The following ARB2A variants were observed in gnomAD, a reference collection of about 807,000 sequenced individuals.
The protein encoded by ARB2A is ARB2 cotranscriptional regulator A.
the ARB2A span, among the ~76,000 whole-genome samples, chr5:93,728,042 G>T: frequency 6.6e-6 from 1 of 152,068 alleles, no homozygotes; most frequent in Admixed American, 6.6e-5. Flanking sequence ...TTCACAGATG[G>T]AAGCAACAGC....
chr5:93,818,631 T>C, the ARB2A span, among the ~76,000 whole-genome samples: 1 of 152,314 alleles, frequency 6.6e-6, no homozygotes, highest in Non-Finnish European at 1.5e-5. Context: ...GATGATAATT[T>C]AGTTATATTA....
chr5:93,790,750 T>C, the ARB2A span, among the ~76,000 whole-genome samples: 2 of 152,126 alleles, frequency 1.3e-5, no homozygotes, highest in African/African-American at 4.8e-5. Flanking sequence ...GTAGTGTAAC[T>C]GACTGTATTT....
At chr5:93,732,167 T>C in the ARB2A span, among the ~76,000 whole-genome samples, 1 of 152,200 alleles carries the variant, frequency 6.6e-6, no homozygotes, top group South Asian at 2.1e-4. Flanking sequence ...ATGATCATGC[T>C]AATGACTTGT....
chr5:93,769,496 T>C, the ARB2A span, among the ~76,000 whole-genome samples: 7 of 152,190 alleles, frequency 4.6e-5, no homozygotes, highest in African/African-American at 1.7e-4. Flanking sequence ...GAACAATTAA[T>C]CTTTTTCAAC....
the ARB2A span, among the ~76,000 whole-genome samples, chr5:93,634,160 T>C: frequency 3.3e-5 from 5 of 152,068 alleles, no homozygotes; most frequent in East Asian, 7.8e-4. Context: ...CCCAGGACTT[T>C]GGGAAGCTGA....
chr5:93,778,070 AC>A, the ARB2A span, among the ~76,000 whole-genome samples: 1 of 152,196 alleles, frequency 6.6e-6, no homozygotes, highest in Non-Finnish European at 1.5e-5. Flanking sequence ...GTTCTTAAAT[AC>A]TTTCTCTCTT....
chr5:93,913,747 G>C, the ARB2A span, among the ~76,000 whole-genome samples: 3 of 151,848 alleles, frequency 2.0e-5, no homozygotes, highest in African/African-American at 7.3e-5. Flanking sequence ...TCACTTTTAA[G>C]CCTATGTAAC....
chr5:93,755,245 T>A, the ARB2A span, among the ~76,000 whole-genome samples: 1 of 152,296 alleles, frequency 6.6e-6, no homozygotes, highest in African/African-American at 2.4e-5. Flanking sequence ...ATAATTAAAA[T>A]ATAGACTATA....
chr5:93,996,455 A>T, the ARB2A span, among the ~76,000 whole-genome samples: 1 of 152,204 alleles, frequency 6.6e-6, no homozygotes, highest in Admixed American at 6.5e-5. Flanking sequence ...AGACAACCAG[A>T]GTGTTAAACT....
At chr5:93,791,382 A>C in the ARB2A span, among the ~76,000 whole-genome samples, 1 of 152,252 alleles carries the variant, frequency 6.6e-6, no homozygotes, top group Non-Finnish European at 1.5e-5. Context: ...TAAGGCTTAT[A>C]AAGTTTCCTT....
At chr5:93,992,836 A>C in the ARB2A span, among the ~76,000 whole-genome samples, 1 of 152,244 alleles carries the variant, frequency 6.6e-6, no homozygotes, top group African/African-American at 2.4e-5. Flanking sequence ...TAAGATTAAG[A>C]GGTATAAATC....
chr5:93,942,644 T>A, the ARB2A span, among the ~76,000 whole-genome samples: 3 of 151,654 alleles, frequency 2.0e-5, no homozygotes, highest in African/African-American at 7.2e-5. Context: ...AAGATCACAA[T>A]AATCATATTT....
chr5:93,953,209 G>C, the ARB2A span, among the ~76,000 whole-genome samples: 2 of 152,090 alleles, frequency 1.3e-5, no homozygotes, highest in African/African-American at 4.8e-5. Flanking sequence ...TGATGCTTGC[G>C]GATGTTTGTC....
At chr5:94,082,117 G>A in the ARB2A span, among the ~76,000 whole-genome samples, 36 of 152,158 alleles carry the variant, frequency 2.4e-4, no homozygotes, top group Non-Finnish European at 7.4e-5. Flanking sequence ...ACAGTGCACT[G>A]GTCTAGCTTG....
chr5:93,620,633 C>T, the ARB2A span: 1 of 193,576 alleles, frequency 5.2e-6, no homozygotes. Context: ...CTACGGCGGG[C>T]GCTAGGACCG....
chr5:93,678,947 C>A, the ARB2A span, among the ~76,000 whole-genome samples: 1 of 152,066 alleles, frequency 6.6e-6, no homozygotes, highest in African/African-American at 2.4e-5. Flanking sequence ...GAATTACCAT[C>A]GGCAATGTTT....
chr5:94,053,616 T>A, the ARB2A span, among the ~76,000 whole-genome samples: 1 of 152,208 alleles, frequency 6.6e-6, no homozygotes, highest in Non-Finnish European at 1.5e-5. Context: ...CTTATAAATG[T>A]AAATAGTATT....
At chr5:93,909,004 AT>A in the ARB2A span, among the ~76,000 whole-genome samples, 24 of 151,030 alleles carry the variant, frequency 1.6e-4, no homozygotes, top group Admixed American at 1.3e-4. Flanking sequence ...AGAATCTGAA[AT>A]TTTTTTCTGA....
chr5:94,096,528 A>G, the ARB2A span, among the ~76,000 whole-genome samples: 1 of 152,196 alleles, frequency 6.6e-6, no homozygotes, highest in Non-Finnish European at 1.5e-5. Flanking sequence ...GGTGGTTATA[A>G]TCATCCCTAT....
Sources: allele counts gnomAD v4.1 joint callset (sites outside exome capture counted in the v4.1 genomes callset), GRCh38; gene constraint gnomAD v4.1.1; transcripts MANE v1.5; gene names NCBI Gene and HGNC (gene_info 2026-07-23, HGNC 2026-07-21).